Variants in ABCB5 observed in about 807,000 individuals in gnomAD.
The protein encoded by ABCB5 is ATP binding cassette subfamily B member 5.
ABCB5 carries 155 observed loss-of-function variants against 144.2 expected under a neutral mutation model. That is an observed-to-expected ratio of 1.08 (90% CI 0.94 to 1.23). The LOEUF (loss-of-function observed/expected upper bound fraction) is 1.23. Among genes scored for constraint, ABCB5 ranks in the 50% most tolerant of loss-of-function variants. The pLI is 0.00. For missense variants in ABCB5, 1,830 were observed against 1,520.8 expected (o/e 1.20, Z -3.38); for synonymous variants, 610 against 528.6 (o/e 1.15, Z -2.11).
intron 26 of ABCB5, among the ~76,000 whole-genome samples, chr7:20,751,695 G>A (rs1046658230): frequency 1.3e-5 from 2 of 152,068 alleles, no homozygotes; most frequent in African/African-American, 4.8e-5. Flanking sequence ...CCAATTTTTA[G>A]TTTAAGATTG....
At position 20,728,320 on chromosome 7, in the gene ABCB5, C is replaced by A; in HGVS notation, c.2732C>A (p.Thr911Asn). The change falls in exon 23 of 28, where the codon ACC becomes AAC. Residue 911 changes from threonine to asparagine, a missense_variant. Thr to Asn is a moderately conservative substitution (Grantham distance 65). Transcript: ENST00000404938. ...EEMLQTQHRN[T>N]SKKAQIIGSC... ...GTAAATTTTGTACATTCCAGAAATA[C>A]CTCGAAGAAAGCACAGATTATTGGA... 2 of 1,613,712 alleles carry A rather than the reference C, an allele frequency of 1.2e-6. No individual in the cohort carries two copies. Among genetic ancestry groups the A allele is most frequent in the Non-Finnish European group, 1.7e-6 (2 of 1,179,812 alleles).
intron 21 of ABCB5, among the ~76,000 whole-genome samples, chr7:20,725,140 T>A (rs1036688823): frequency 6.6e-6 from 1 of 152,236 alleles, no homozygotes; most frequent in African/African-American, 2.4e-5. Flanking sequence ...ACAACTCTAA[T>A]CAAATAGTCA....
At position 20,628,687 on chromosome 7, in the gene ABCB5, G is replaced by T; in HGVS notation, c.109-1G>T. Reference sequence around the variant, plus strand: ...GTGCTACCGTGCTTTGTTTTCCTCAGTTCCGCTTTGCTGATGGACTGGACA... The same window carrying T: ...GTGCTACCGTGCTTTGTTTTCCTCATTTCCGCTTTGCTGATGGACTGGACA... On this transcript the variant is annotated splice_acceptor_variant, in intron 3 of 27. Coordinates refer to ENST00000404938, the MANE Select transcript of ABCB5 (RefSeq NM_001163941.2). LOFTEE classifies it high-confidence loss of function. The T allele has an allele frequency of 1.2e-6, 2 of 1,611,790 alleles. No homozygotes were observed. The highest frequency in any genetic ancestry group is 1.3e-5 in the African/African-American group (1 of 74,926).
intron 2 of ABCB5, among the ~76,000 whole-genome samples, chr7:20,625,549 C>T (rs1481296075): frequency 2.6e-5 from 4 of 152,154 alleles, no homozygotes; most frequent in African/African-American, 9.7e-5. Flanking sequence ...CCTAATAGAA[C>T]TCATTTCATT....
At chr7:20,663,115 C>T (rs982688986) in intron 14 of ABCB5, among the ~76,000 whole-genome samples, 2 of 152,198 alleles carry the variant, frequency 1.3e-5, no homozygotes, top group African/African-American at 4.8e-5. Context: ...CATCCTTCTG[C>T]CTCATTCTTG....
At chr7:20,645,355 G>C (rs919687304) in intron 7 of ABCB5, among the ~76,000 whole-genome samples, 9 of 152,094 alleles carry the variant, frequency 5.9e-5, no homozygotes, top group African/African-American at 2.2e-4. Context: ...TATAAAATCA[G>C]CTCCTATTAT....
chr7:20,747,267 T>A (rs766082624), intron 26 of ABCB5, among the ~76,000 whole-genome samples: 3 of 152,194 alleles, frequency 2.0e-5, no homozygotes, highest in Non-Finnish European at 4.4e-5. Context: ...TTGTACCATT[T>A]AACTTTTATT....
At chr7:20,630,133 A>G (rs993296211) in intron 4 of ABCB5, among the ~76,000 whole-genome samples, 20 of 152,168 alleles carry the variant, frequency 1.3e-4, no homozygotes, top group African/African-American at 4.3e-4. Context: ...ATGACTATGC[A>G]GTATTTTTTA....
In ABCB5 at chr7:20,656,197, A is replaced by G. The variant is rs1456181352; in HGVS notation, c.1537-2309A>G. On this transcript the variant is annotated intron_variant, in intron 13 of 27. Transcript: ENST00000404938. ...AAACTTCAAAAATTAAAACTTACGA[A>G]AAAATCTTTGTAACTTTGAGAGAGG... 2.0e-5 allele frequency among the ~76,000 whole-genome samples: 3 copies of G among 152,220 alleles called. No individual in the cohort carries two copies. The East Asian group carries it at 5.8e-4, about 29-fold the overall frequency.
chr7:20,739,236 A>G, intron 24 of ABCB5, 97 bp downstream of exon 24: 2 of 1,285,516 alleles, frequency 1.6e-6, no homozygotes, highest in Non-Finnish European at 2.1e-6. Context: ...CAAGGGCTGA[A>G]AAACTAACCA....
chr7:20,681,629 CA>C lies in ABCB5; in HGVS notation c.1836del (p.Lys612AsnfsTer9), dbSNP rs748583363. 2 of 1,614,040 alleles carry C rather than the reference CA, an allele frequency of 1.2e-6. No individual in the cohort carries two copies. The highest frequency in any genetic ancestry group is 2.2e-5 in the South Asian group (2 of 91,076). ...AAAGGAGCACATGCTGAACTAATGG[CA>C]AAACGAGGTCTATATTATTCACTTG... ...AEKGAHAELM[A>X]KRGLYYSLVM... On this transcript the variant is annotated frameshift_variant, in exon 15 of 28. Coordinates refer to ENST00000404938, the MANE Select transcript of ABCB5 (RefSeq NM_001163941.2). LOFTEE classifies it high-confidence loss of function.
chr7:20,626,636 C>T, intron 3 of ABCB5, 25 bp downstream of exon 3: 2 of 1,581,286 alleles, frequency 1.3e-6, no homozygotes, highest in Non-Finnish European at 1.7e-6. Context: ...TTAGAAAGTA[C>T]ATGCATTAGA....
intron 14 of ABCB5, among the ~76,000 whole-genome samples, chr7:20,668,224 T>A (rs2128034052): frequency 6.8e-6 from 1 of 147,078 alleles, no homozygotes; most frequent in Non-Finnish European, 1.5e-5. Flanking sequence ...GGCTGCACAG[T>A]CTGGAAAGTG....
At position 20,665,501 on chromosome 7, in the gene ABCB5, A is replaced by T. The variant is rs533372785; in HGVS notation, c.1707+6825A>T. ...CATGGTGACCTTATTATAAAAGATGACCAGCTAAAATTTGATAGCCTAAAA... is the reference window on the plus strand; with the variant it reads ...CATGGTGACCTTATTATAAAAGATGTCCAGCTAAAATTTGATAGCCTAAAA... On this transcript the variant is annotated intron_variant, in intron 14 of 27. Coordinates refer to ENST00000404938, the MANE Select transcript of ABCB5 (RefSeq NM_001163941.2). Among the ~76,000 whole-genome samples the T allele has an allele frequency of 3.9e-4, 60 of 152,262 alleles. No homozygotes were observed. In the South Asian group the frequency reaches 0.012, roughly 30 times the overall value.
At chr7:20,673,149 ATACAAGTAAGTT>A (rs1785501746) in intron 14 of ABCB5, among the ~76,000 whole-genome samples, 1 of 152,162 alleles carries the variant, frequency 6.6e-6, no homozygotes, top group Admixed American at 6.5e-5. Flanking sequence ...TATGACTTGA[ATACAAGTAAGTT>A]TATTAAGAGT....
At position 20,739,129 on chromosome 7, in the gene ABCB5, G is replaced by A; in HGVS notation, c.3014G>A (p.Gly1005Glu). ...KPNIDSRSQE[G>E]KKPDTCEGNL... ...AATATAGACAGCCGCAGTCAAGAAG[G>A]GAAAAAGCCAGTAAGCACAACTGTG... Residue 1005 changes from glycine to glutamate, a missense_variant, in exon 24 of 28, where the codon GGG (glycine) becomes GAG (glutamate). Coordinates refer to ENST00000404938, the MANE Select transcript of ABCB5 (RefSeq NM_001163941.2). 2.5e-6 allele frequency: 4 copies of A among 1,600,712 alleles called. No individual in the cohort carries two copies. The highest frequency in any genetic ancestry group is 3.4e-6 in the Non-Finnish European group (4 of 1,173,648).
At position 20,646,026 on chromosome 7, in the gene ABCB5, C is replaced by T. The variant is rs777082161; in HGVS notation, c.869C>T (p.Ser290Phe). The T allele has an allele frequency of 2.5e-6, 4 of 1,613,690 alleles. No individual in the cohort carries two copies. Among genetic ancestry groups the T allele is most frequent in the Non-Finnish European group, 3.4e-6 (4 of 1,179,820 alleles). ...GIKRTIASKV[S>F]LGAVYFFMNG... Reference sequence around the variant, plus strand: ...AAAAGGACTATAGCTTCAAAAGTGTCTCTTGGTGCTGTGTACTTCTTTATG... The same window carrying T: ...AAAAGGACTATAGCTTCAAAAGTGTTTCTTGGTGCTGTGTACTTCTTTATG... The change falls in exon 9 of 28, where the codon TCT (serine) becomes TTT (phenylalanine). Residue 290 changes from serine (S) to phenylalanine (F), a missense_variant. Transcript: ENST00000404938.
chr7:20,723,165 A>G lies in ABCB5; in HGVS notation c.2571A>G (p.Ala857=), dbSNP rs769605547. 2 of 1,614,084 alleles carry G rather than the reference A, an allele frequency of 1.2e-6. No individual in the cohort carries two copies. Among genetic ancestry groups the G allele is most frequent in the Non-Finnish European group, 1.7e-6 (2 of 1,180,046 alleles). Residue 857 remains alanine, a synonymous_variant, in exon 21 of 28, where the codon GCA becomes GCG. Transcript: ENST00000404938. The stretch of plus-strand genomic sequence containing the variant: ...CCGTGACAGGAATGATTGAAACCGC[A>G]GCAATGACTGGATTTGCCAACAAAG... ...VLAVTGMIET[A]AMTGFANKDK... is the part of the protein sequence containing the mutation.
rs572083081 is a variant in ABCB5 at position 20,624,637 on chromosome 7, G to C, written c.53+1299G>C. On this transcript the variant is annotated intron_variant, in intron 2 of 27. Coordinates refer to ENST00000404938, the MANE Select transcript of ABCB5 (RefSeq NM_001163941.2). ...AGATATAGGTGTGGGGTCTGGCCAT[G>C]AAATACAGGAAGGATTCCTATTAGG... is the stretch of plus-strand genomic sequence containing the variant. Among the ~76,000 whole-genome samples the C allele has an allele frequency of 2.0e-5, 3 of 152,332 alleles. No individual in the cohort carries two copies. The South Asian group carries it at 6.2e-4, about 32-fold the overall frequency.
Sources: allele counts gnomAD v4.1 joint callset (sites outside exome capture counted in the v4.1 genomes callset), GRCh38; gene constraint gnomAD v4.1.1; transcripts MANE v1.5; gene names NCBI Gene and HGNC (gene_info 2026-07-23, HGNC 2026-07-21).